The following GPC5 variants were observed in gnomAD, a reference collection of about 807,000 sequenced individuals.
GPC5 encodes glypican 5.
A neutral mutation model predicts 53.9 loss-of-function variants in GPC5; 47 were observed. The observed-to-expected ratio is 0.87, with a 90% CI of 0.69 to 1.11. GPC5 has a LOEUF of 1.11. Ranked by LOEUF, GPC5 falls within the 50% of genes most tolerant of loss-of-function variation. GPC5 has a pLI of 0.00. For missense variants in GPC5, 748 were observed against 713.1 expected, an observed-to-expected ratio of 1.05 and a Z score of -0.56; for synonymous variants, 286 against 263.3, an observed-to-expected ratio of 1.09 and a Z score of -0.84.
intron 5 of GPC5, among the ~76,000 whole-genome samples, chr13:91,885,550 C>A (rs1425456735): frequency 2.6e-5 from 4 of 152,176 alleles, no homozygotes. Flanking sequence ...ACAAACCATT[C>A]TCGAGGTGAA....
At chr13:91,434,662 G>A (rs1020479117) in intron 1 of GPC5, among the ~76,000 whole-genome samples, 9 of 149,460 alleles carry the variant, frequency 6.0e-5, no homozygotes, top group African/African-American at 1.9e-4. Context: ...TTCTTTTGGC[G>A]ATGCGGGCTC....
At chr13:91,587,368 G>T (rs2032638076) in intron 2 of GPC5, among the ~76,000 whole-genome samples, 1 of 152,074 alleles carries the variant, frequency 6.6e-6, no homozygotes, top group African/African-American at 2.4e-5. Flanking sequence ...ATCTAAGCAT[G>T]ACCTTTTCAA....
intron 2 of GPC5, among the ~76,000 whole-genome samples, chr13:91,474,250 A>G (rs1429279525): frequency 6.6e-6 from 1 of 152,150 alleles, no homozygotes; most frequent in Non-Finnish European, 1.5e-5. Flanking sequence ...TACATATATT[A>G]TACATATTGT....
chr13:92,594,982 G>A (rs1316906605), intron 7 of GPC5, among the ~76,000 whole-genome samples: 3 of 152,184 alleles, frequency 2.0e-5, no homozygotes, highest in African/African-American at 7.2e-5. Flanking sequence ...AGTGTGGTGA[G>A]TATAAGACCT....
intron 7 of GPC5, among the ~76,000 whole-genome samples, chr13:92,622,495 G>A (rs963085880): frequency 6.6e-6 from 1 of 152,042 alleles, no homozygotes; most frequent in Non-Finnish European, 1.5e-5. Flanking sequence ...GTTGTGCCTG[G>A]ATTAACACGA....
intron 7 of GPC5, among the ~76,000 whole-genome samples, chr13:92,578,801 G>C (rs1437760374): frequency 6.6e-6 from 1 of 152,126 alleles, no homozygotes; most frequent in Non-Finnish European, 1.5e-5. Flanking sequence ...TCAAGTTGAC[G>C]ACTAAAATTA....
At chr13:92,623,631 AGTT>A (rs1353412636) in intron 7 of GPC5, among the ~76,000 whole-genome samples, 1 of 152,178 alleles carries the variant, frequency 6.6e-6, no homozygotes, top group East Asian at 1.9e-4. Context: ...CAAATCTTGA[AGTT>A]GTTTTTCTTT....
intron 7 of GPC5, among the ~76,000 whole-genome samples, chr13:92,387,173 C>T (rs1874766152): frequency 6.6e-6 from 1 of 152,066 alleles, no homozygotes; most frequent in Non-Finnish European, 1.5e-5. Context: ...ACTTGTACCT[C>T]AAGTGCTCAT....
intron 7 of GPC5, among the ~76,000 whole-genome samples, chr13:92,838,429 G>A (rs556102769): frequency 1.3e-5 from 2 of 150,840 alleles, no homozygotes; most frequent in Non-Finnish European, 2.9e-5. Flanking sequence ...CGTGCAGTGA[G>A]TCGAGATCAC....
At chr13:92,170,777 C>T (rs539998658) in intron 7 of GPC5, among the ~76,000 whole-genome samples, 4 of 152,108 alleles carry the variant, frequency 2.6e-5, no homozygotes, top group South Asian at 2.1e-4. Flanking sequence ...CCCAAAACTT[C>T]GCATGTTCAC....
chr13:92,146,992 G>A (rs2041871951), intron 7 of GPC5, among the ~76,000 whole-genome samples: 1 of 151,998 alleles, frequency 6.6e-6, no homozygotes, highest in South Asian at 2.1e-4. Flanking sequence ...AGGGCATAAT[G>A]GATATAAATT....
rs558892352 is a variant in GPC5 at position 92,385,355 on chromosome 13, C to CAT, written c.1561+240372_1561+240373dup. On this transcript the variant is annotated intron_variant, in intron 7 of 7. Transcript: ENST00000377067. ...ATATATACATATATATACATATATACATATATACATATATATACATATATA... is the reference window on the plus strand; with the variant it reads ...ATATATACATATATATACATATATACATATATATACATATATATACATATATA... 6.9e-4 allele frequency among the ~76,000 whole-genome samples: 61 copies of CAT among 88,340 alleles called. 1 individual carries two copies. Among genetic ancestry groups the CAT allele is most frequent in the Middle Eastern group, 5.4e-3 (1 of 184 alleles). The allele number at this position is 88,340 out of a possible 152,430, so 58.0% of individuals were successfully genotyped here. A position where few individuals can be genotyped will look rare whatever the true frequency, so the allele number is the denominator to read the frequency against.
At chr13:92,453,481 G>A (rs1255102044) in intron 7 of GPC5, among the ~76,000 whole-genome samples, 2 of 151,944 alleles carry the variant, frequency 1.3e-5, no homozygotes, top group East Asian at 3.9e-4. Flanking sequence ...CATGAGCCCC[G>A]CGCCGACTCC....
At chr13:92,475,733 A>C (rs1439871979) in intron 7 of GPC5, among the ~76,000 whole-genome samples, 1 of 152,096 alleles carries the variant, frequency 6.6e-6, no homozygotes, top group African/African-American at 2.4e-5. Flanking sequence ...AATAACGCTG[A>C]ATATCTACAG....
chr13:92,798,491 A>G (rs570881406), intron 7 of GPC5, among the ~76,000 whole-genome samples: 11 of 152,032 alleles, frequency 7.2e-5, no homozygotes, highest in African/African-American at 2.6e-4. Flanking sequence ...AATATTTGAG[A>G]AAGGAAAATT....
At chr13:91,988,769 T>C (rs2040431412) in intron 6 of GPC5, among the ~76,000 whole-genome samples, 1 of 149,706 alleles carries the variant, frequency 6.7e-6, no homozygotes, top group Non-Finnish European at 1.5e-5. Flanking sequence ...TAAGGTCTGT[T>C]ATCTGGAAAT....
intron 2 of GPC5, among the ~76,000 whole-genome samples, chr13:91,520,882 G>A (rs1885775420): frequency 6.6e-6 from 1 of 152,012 alleles, no homozygotes; most frequent in Admixed American, 6.6e-5. Context: ...AATGATGATT[G>A]GGGGGTTTTG....
At chr13:91,661,596 C>T (rs2034990512) in intron 2 of GPC5, among the ~76,000 whole-genome samples, 1 of 152,102 alleles carries the variant, frequency 6.6e-6, no homozygotes, top group South Asian at 2.1e-4. Flanking sequence ...CTACATAGGG[C>T]TTGAGAGTGG....
intron 7 of GPC5, among the ~76,000 whole-genome samples, chr13:92,614,999 T>C (rs1050525227): frequency 5.3e-5 from 8 of 152,218 alleles, no homozygotes; most frequent in African/African-American, 1.7e-4. Context: ...TTGTTAAATA[T>C]AGAAAGCAAA....
Sources: gnomAD v4.1 joint callset for allele counts (sites outside exome capture counted in the v4.1 genomes callset) on GRCh38, gnomAD v4.1.1 for gene constraint, MANE v1.5 for transcripts, NCBI Gene and HGNC (gene_info 2026-07-23, HGNC 2026-07-21) for gene names.